LINGO1: variants seen among roughly 807,000 people sequenced by gnomAD.
LINGO1 encodes leucine-rich repeat and immunoglobulin-like domain-containing nogo receptor-interacting protein 1.
In LINGO1, 11 loss-of-function variants were observed where a neutral mutation model predicts 37.3. The observed-to-expected ratio is 0.29, with a 90% CI of 0.19 to 0.49. LINGO1 has a LOEUF of 0.49. Among genes scored for constraint, LINGO1 ranks in the 20% least tolerant of loss-of-function variants. The pLI is 0.99. For missense variants in LINGO1, 585 were observed against 878.2 expected (o/e 0.67, Z 4.22); for synonymous variants, 387 against 403.0 (o/e 0.96, Z 0.48).
At chr15:77,705,831 C>A (rs1011793540) in intron 2 of LINGO1, among the ~76,000 whole-genome samples, 2 of 152,190 alleles carry the variant, frequency 1.3e-5, no homozygotes, top group Admixed American at 6.5e-5. Flanking sequence ...CCAGACACAG[C>A]CCCAGGTGAA....
intron 3 of LINGO1, chr15:77,647,889 T>C (rs2074671239): frequency 2.2e-6 from 1 of 456,678 alleles, no homozygotes; most frequent in African/African-American, 2.0e-5. Flanking sequence ...AGAGGAAATA[T>C]TTTTCTGGCT....
At chr15:77,725,366 G>A (rs776249638) in intron 2 of LINGO1, among the ~76,000 whole-genome samples, 3 of 152,088 alleles carry the variant, frequency 2.0e-5, no homozygotes, top group East Asian at 1.9e-4. Context: ...GAACAGCCTG[G>A]GAAACATATC....
At chr15:77,620,101 G>A (rs778698792) in intron 1 of LINGO1, among the ~76,000 whole-genome samples, 6 of 152,234 alleles carry the variant, frequency 3.9e-5, no homozygotes, top group Non-Finnish European at 5.9e-5. Flanking sequence ...GCAATGTGCC[G>A]CTCCTGCCAT....
At chr15:77,626,974 G>T (rs1029244822) in intron 1 of LINGO1, among the ~76,000 whole-genome samples, 1 of 36,056 alleles carries the variant, frequency 2.8e-5, no homozygotes, top group Non-Finnish European at 6.0e-5. Flanking sequence ...CCCCCCATCC[G>T]CAGCCCTGCA....
chr15:77,631,265 A>T (rs1220829364), intron 1 of LINGO1, among the ~76,000 whole-genome samples: 1 of 152,218 alleles, frequency 6.6e-6, no homozygotes, highest in East Asian at 1.9e-4. Context: ...CTGGGCGAGC[A>T]GGAAGGGGCT....
chr15:77,647,956 T>G (rs755466863), intron 3 of LINGO1: 15 of 456,430 alleles, frequency 3.3e-5, no homozygotes, highest in South Asian at 2.3e-4. Flanking sequence ...AACTGATGGA[T>G]GGACAGTGAG....
chr15:77,820,470 G>A (rs942702120), upstream of LINGO1: 1 of 152,360 alleles, frequency 6.6e-6, no homozygotes, highest in Admixed American at 6.5e-5. Flanking sequence ...GCCGACAATG[G>A]GTGTGCGGCG....
At chr15:77,619,255 C>T (rs915110894) in intron 1 of LINGO1, among the ~76,000 whole-genome samples, 1 of 152,088 alleles carries the variant, frequency 6.6e-6, no homozygotes. Flanking sequence ...GAACAGACCC[C>T]CGTGAATGTT....
chr15:77,656,190 G>A (rs2074861196), intron 3 of LINGO1, among the ~76,000 whole-genome samples: 1 of 152,148 alleles, frequency 6.6e-6, no homozygotes, highest in Admixed American at 6.5e-5. Flanking sequence ...TTTACCCAAG[G>A]CCTGGACAAC....
At chr15:77,704,654 C>A (rs1446477744) in intron 2 of LINGO1, among the ~76,000 whole-genome samples, 2 of 151,788 alleles carry the variant, frequency 1.3e-5, no homozygotes, top group Non-Finnish European at 2.9e-5. Flanking sequence ...GGGCCCTGAC[C>A]CTGGTCAGAC....
intron 2 of LINGO1, among the ~76,000 whole-genome samples, chr15:77,715,287 C>A (rs902520027): frequency 2.6e-5 from 4 of 152,288 alleles, no homozygotes; most frequent in African/African-American, 9.6e-5. Flanking sequence ...CTGAGCAGGG[C>A]GTGGCTTGGG....
chr15:77,632,382 G>A lies in LINGO1; in HGVS notation c.-67C>T, dbSNP rs2074283408. 2.2e-6 allele frequency: 3 copies of A among 1,344,230 alleles called. No individual in the cohort carries two copies. The highest frequency in any genetic ancestry group is 1.5e-5 in the African/African-American group (1 of 65,856). 83.3% of individuals were successfully genotyped at this position (1,344,230 alleles called of 1,614,324 possible). A position where few individuals can be genotyped will look rare whatever the true frequency, so the allele number is the denominator to read the frequency against. ...CATGTCTCTCCAGCCGGCCCGACCA[G>A]GCCCCAGCCCCTGCCCAGCCCCCTC... is the stretch of plus-strand genomic sequence containing the variant. On this transcript the variant is annotated 5_prime_UTR_variant, in exon 1 of 2. Transcript: ENST00000355300. The surrounding 1 kb of genome is among the most constrained non-coding windows in gnomAD (Gnocchi z 6.0).
At chr15:77,791,264 A>G (rs924130281), upstream of LINGO1, among the ~76,000 whole-genome samples, 9 of 152,148 alleles carry the variant, frequency 5.9e-5, no homozygotes, top group Non-Finnish European at 1.2e-4. Context: ...AAAGAGGAAG[A>G]CAAGCTGAGG....
intron 1 of LINGO1, among the ~76,000 whole-genome samples, chr15:77,738,255 C>G: frequency 6.6e-6 from 1 of 152,148 alleles, no homozygotes; most frequent in Non-Finnish European, 1.5e-5. Flanking sequence ...TGGCCCCAAA[C>G]TATCAGAGCA....
upstream of LINGO1, among the ~76,000 whole-genome samples, chr15:77,789,782 A>T (rs149212354): frequency 6.8e-6 from 1 of 147,070 alleles, no homozygotes. Context: ...GGGTTTGGGG[A>T]TTTGGGGCTT....
At chr15:77,659,604 C>T (rs1290228227) in intron 3 of LINGO1, among the ~76,000 whole-genome samples, 2 of 152,274 alleles carry the variant, frequency 1.3e-5, no homozygotes, top group East Asian at 1.9e-4. Context: ...ACCATGTCAC[C>T]TCTGTCTGAG....
rs1466598951 is a variant in LINGO1, at chr15:77,632,465, T to A, written c.-150A>T. 1 of 808,790 alleles carries A rather than the reference T, an allele frequency of 1.2e-6. No individual in the cohort carries two copies. The allele number at this position is 808,790 out of a possible 1,614,324, so 50.1% of individuals were successfully genotyped here. Reference sequence around the variant, plus strand: ...GGCAGTCCGCGCGCCCTCGCGGGGCTGGCTGTCCGTCTGTCCGCCCCGCGC... The same window carrying A: ...GGCAGTCCGCGCGCCCTCGCGGGGCAGGCTGTCCGTCTGTCCGCCCCGCGC... On this transcript the variant is annotated 5_prime_UTR_variant, in exon 1 of 2. Coordinates refer to ENST00000355300, the MANE Select transcript of LINGO1 (RefSeq NM_032808.7). The surrounding 1 kb of genome is among the most constrained non-coding windows in gnomAD (Gnocchi z 6.0).
At chr15:77,794,493 TACG>T (rs2076852174) in intron 2 of LINGO1, among the ~76,000 whole-genome samples, 1 of 127,378 alleles carries the variant, frequency 7.9e-6, no homozygotes, top group Non-Finnish European at 1.6e-5. Context: ...CATACATATA[TACG>T]TATATATGTG....
At chr15:77,687,605 G>C (rs1016481431) in intron 2 of LINGO1, among the ~76,000 whole-genome samples, 6 of 152,176 alleles carry the variant, frequency 3.9e-5, no homozygotes, top group African/African-American at 1.4e-4. Context: ...TCCCCACCTA[G>C]CCTTCAAAAA....
Sources: allele counts gnomAD v4.1 joint callset (sites outside exome capture counted in the v4.1 genomes callset), GRCh38; gene constraint gnomAD v4.1.1; non-coding constraint Gnocchi (gnomAD v3.1); transcripts MANE v1.5; gene names NCBI Gene and HGNC (gene_info 2026-07-23, HGNC 2026-07-21).